ZIM2: variants seen among roughly 807,000 people sequenced by gnomAD.
ZIM2 encodes the protein zinc finger imprinted 2.
Under a neutral mutation model 38.6 loss-of-function variants are expected in ZIM2, and 14 were observed. That is an observed-to-expected ratio of 0.36 (90% CI 0.24 to 0.57). The LOEUF (loss-of-function observed/expected upper bound fraction) is 0.57. Ranked by LOEUF, ZIM2 falls within the 20% of genes least tolerant of loss-of-function variation. The pLI is 0.81. For missense variants in ZIM2, 680 were observed against 695.1 expected, an observed-to-expected ratio of 0.98 and a Z score of 0.24; for synonymous variants, 247 against 245.8, an observed-to-expected ratio of 1.00 and a Z score of -0.04.
At chr19:56,824,046 G>C (rs569593199) in intron 4 of ZIM2, among the ~76,000 whole-genome samples, 2 of 152,218 alleles carry the variant, frequency 1.3e-5, no homozygotes, top group Admixed American at 6.5e-5. Context: ...AGGTTTTGGC[G>C]ACCAGGGGAT....
chr19:56,799,152 T>C (rs567409605), intron 9 of ZIM2: 17 of 152,234 alleles, frequency 1.1e-4, no homozygotes, highest in African/African-American at 3.9e-4. Flanking sequence ...ATTATAAAGA[T>C]ACATGTGCAT....
At chr19:56,817,609 C>T in intron 9 of ZIM2, 137 bp downstream of exon 9, 1 of 1,562,870 alleles carries the variant, frequency 6.4e-7, no homozygotes, top group Non-Finnish European at 8.7e-7. Flanking sequence ...GTAAATACTC[C>T]CTAGTCCCCA....
rs765853113 is a variant in ZIM2, at chr19:56,817,737, C to T, written c.490+9G>A. 21 of 1,612,454 alleles carry T rather than the reference C, an allele frequency of 1.3e-5. No individual in the cohort carries two copies. The highest frequency in any genetic ancestry group is 1.7e-5 in the Non-Finnish European group (20 of 1,178,500). On this transcript the variant is annotated intron_variant, in intron 9 of 12. Transcript: ENST00000629319. Reference sequence around the variant, plus strand: ...TGTGGCTCCTCTGTGGGATGTGCCTCCTGCTTACCTCGACTGGTGCTTGGG... The same window carrying T: ...TGTGGCTCCTCTGTGGGATGTGCCTTCTGCTTACCTCGACTGGTGCTTGGG...
intron 8 of ZIM2, among the ~76,000 whole-genome samples, 193 bp downstream of exon 8, chr19:56,818,407 C>CA (rs1443533487): frequency 6.6e-6 from 1 of 152,166 alleles, no homozygotes; most frequent in African/African-American, 2.4e-5. Context: ...TATCTTTACC[C>CA]AAAGCCAGAG....
chr19:56,784,338 T>C (rs1324147526), intron 10 of ZIM2, among the ~76,000 whole-genome samples: 1 of 152,220 alleles, frequency 6.6e-6, no homozygotes, highest in Non-Finnish European at 1.5e-5. Context: ...CTACAATACC[T>C]TGAATATAAT....
chr19:56,803,196 A>G (rs2047605921), intron 9 of ZIM2, among the ~76,000 whole-genome samples: 2 of 152,186 alleles, frequency 1.3e-5, no homozygotes, highest in Admixed American at 1.3e-4. Flanking sequence ...ATGCTTATTG[A>G]TGACCCCCAC....
chr19:56,775,645 T>C (rs2045959113), intron 12 of ZIM2, 116 bp from the exon 13 acceptor site: 1 of 1,470,136 alleles, frequency 6.8e-7, no homozygotes, highest in Non-Finnish European at 9.0e-7. Flanking sequence ...TTCAGGTCTC[T>C]TTTCCTAATC....
At chr19:56,813,555 G>C (rs2059687880) in intron 9 of ZIM2, 6 of 1,451,558 alleles carry the variant, frequency 4.1e-6, no homozygotes, top group African/African-American at 1.4e-5. Context: ...TGTTAAGTCA[G>C]GTGTGTAACA....
At chr19:56,793,926 G>C (rs1158596695) in intron 9 of ZIM2, among the ~76,000 whole-genome samples, 1 of 152,302 alleles carries the variant, frequency 6.6e-6, no homozygotes, top group Non-Finnish European at 1.5e-5. Flanking sequence ...CTGTTGGGGG[G>C]AAGGGTGGTA....
chr19:56,823,746 C>T, intron 4 of ZIM2, 67 bp from the exon 5 acceptor site: 2 of 1,564,952 alleles, frequency 1.3e-6, no homozygotes, highest in South Asian at 2.2e-5. Context: ...CCCCCCAATC[C>T]CTGAGCCGCA....
intron 9 of ZIM2, chr19:56,816,393 C>G (rs1417245326): frequency 6.2e-7 from 1 of 1,613,998 alleles, no homozygotes; most frequent in Non-Finnish European, 8.5e-7. Flanking sequence ...AGTCACAGAG[C>G]TTCTCCTTAT....
intron 10 of ZIM2, among the ~76,000 whole-genome samples, chr19:56,783,908 C>T (rs1459097273): frequency 6.6e-6 from 1 of 152,134 alleles, no homozygotes; most frequent in Non-Finnish European, 1.5e-5. Flanking sequence ...CCTTCCTTAG[C>T]AAATCTGAAT....
chr19:56,789,820 G>C, intron 10 of ZIM2, 52 bp downstream of exon 10: 1 of 1,414,004 alleles, frequency 7.1e-7, no homozygotes, highest in Non-Finnish European at 9.4e-7. Flanking sequence ...CACAAATTAG[G>C]AAGATAAGAT....
At chr19:56,824,622 G>T (rs773007992) in intron 3 of ZIM2, 195 bp from the exon 4 acceptor site, 1 of 1,605,980 alleles carries the variant, frequency 6.2e-7, no homozygotes, top group Non-Finnish European at 8.5e-7. Context: ...GACTTCTTAG[G>T]TTTGGTGGCA....
In ZIM2 at chr19:56,823,617, G is replaced by A. The variant is rs778044630; in HGVS notation, c.79C>T (p.Pro27Ser). Residue 27 changes from proline (P) to serine (S), a missense_variant, in exon 5 of 13, where the codon CCA (proline) becomes TCA (serine). By Grantham distance (74) the Pro-to-Ser change is moderately conservative. Transcript: ENST00000629319. ...CTGAAAGAATGGACTGAGTGAGGTG[G>A]TGAGGACTCTCTTCTGTTCCGGGTC... ...DMTRNRRESS[P>S]PHSVHSFSGD... is the part of the protein sequence containing the mutation. The A allele has an allele frequency of 1.1e-5, 17 of 1,614,004 alleles. No individual in the cohort carries two copies. Among genetic ancestry groups the A allele is most frequent in the Non-Finnish European group, 1.4e-5 (17 of 1,180,032 alleles).
At chr19:56,812,293 A>G in intron 9 of ZIM2, 1 of 981,626 alleles carries the variant, frequency 1.0e-6, no homozygotes, top group Non-Finnish European at 1.2e-6. Flanking sequence ...GAATACTAAG[A>G]TTAGATGAAC....
chr19:56,782,803 T>G (rs1431718120), intron 10 of ZIM2, among the ~76,000 whole-genome samples: 1 of 152,156 alleles, frequency 6.6e-6, no homozygotes, highest in East Asian at 1.9e-4. Context: ...CAATGTGGAA[T>G]AAGCACATCG....
At chr19:56,813,338 C>G (rs770879903) in intron 9 of ZIM2, 1 of 1,053,756 alleles carries the variant, frequency 9.5e-7, no homozygotes, top group Non-Finnish European at 1.2e-6. Flanking sequence ...TCATGAAACA[C>G]TATATATACG....
Position 56,774,684 on chromosome 19 carries a change from T to C in ZIM2, c.*4A>G, listed in dbSNP as rs1450151871. 6.2e-7 allele frequency: 1 copy of C among 1,612,836 alleles called. No individual in the cohort carries two copies. Among genetic ancestry groups the C allele is most frequent in the Non-Finnish European group, 8.5e-7 (1 of 1,179,128 alleles). On this transcript the variant is annotated 3_prime_UTR_variant, in exon 13 of 13. Transcript: ENST00000629319. Reference sequence around the variant, plus strand: ...GAAAAGTGTGTGCTGTGACTAAAGGTTTCTCAACAGTGATCGCACTCAACA... The same window carrying C: ...GAAAAGTGTGTGCTGTGACTAAAGGCTTCTCAACAGTGATCGCACTCAACA...
Sources: gnomAD v4.1 joint callset for allele counts (sites outside exome capture counted in the v4.1 genomes callset) on GRCh38, gnomAD v4.1.1 for gene constraint, MANE v1.5 for transcripts, NCBI Gene and HGNC (gene_info 2026-07-23, HGNC 2026-07-21) for gene names.